Variants in CNOT4 observed in about 807,000 individuals in gnomAD.
CNOT4 encodes CCR4-NOT transcription complex subunit 4.
A neutral mutation model predicts 73.8 loss-of-function variants in CNOT4; 8 were observed. The ratio of observed to expected loss-of-function variants is 0.11; its 90% CI spans 0.06 to 0.20. The LOEUF (loss-of-function observed/expected upper bound fraction) is 0.20, where lower values mean the gene tolerates loss of function less well. CNOT4 is among the 10% of genes least tolerant of loss of function. The pLI, the probability that CNOT4 is intolerant of heterozygous loss-of-function variation, is 1.00. For missense variants in CNOT4, 564 were observed against 883.4 expected, an observed-to-expected ratio of 0.64 and a Z score of 4.58; for synonymous variants, 293 against 321.1, an observed-to-expected ratio of 0.91 and a Z score of 0.94.
intron 1 of CNOT4, among the ~76,000 whole-genome samples, chr7:135,493,389 GA>G (rs113454624): frequency 2.6e-5 from 4 of 152,154 alleles, no homozygotes; most frequent in African/African-American, 9.6e-5. Context: ...GACATTATCA[GA>G]AAAAAATGAA....
intron 1 of CNOT4, among the ~76,000 whole-genome samples, chr7:135,450,422 G>A (rs1251608693): frequency 2.0e-5 from 3 of 152,066 alleles, no homozygotes; most frequent in Admixed American, 6.5e-5. Flanking sequence ...GGGTTCAAGC[G>A]ATTCTCCTTC....
intron 10 of CNOT4, chr7:135,388,152 TATCTTTTAACC>T (rs1796216265): frequency 1.0e-6 from 1 of 985,164 alleles, no homozygotes; most frequent in African/African-American, 1.7e-5. Context: ...CTACAATAAT[TATCTTTTAACC>T]ATCTATGCAT....
At chr7:135,491,665 T>C (rs1008276333) in intron 1 of CNOT4, among the ~76,000 whole-genome samples, 1 of 152,196 alleles carries the variant, frequency 6.6e-6, no homozygotes, top group Admixed American at 6.5e-5. Flanking sequence ...TAGACAATGC[T>C]TTAAGGGGTT....
intron 1 of CNOT4, among the ~76,000 whole-genome samples, chr7:135,471,592 C>T (rs954925497): frequency 6.6e-6 from 1 of 152,090 alleles, no homozygotes; most frequent in Admixed American, 6.5e-5. Flanking sequence ...GAATAGCAGC[C>T]TTGAAAGTAA....
intron 1 of CNOT4, among the ~76,000 whole-genome samples, chr7:135,487,815 A>G (rs1020237337): frequency 3.3e-5 from 5 of 152,196 alleles, no homozygotes; most frequent in Admixed American, 6.5e-5. Flanking sequence ...GCACTTTGGG[A>G]GGCCAAGGCA....
In CNOT4 at chr7:135,503,051, A is replaced by G. The variant is rs112308085; in HGVS notation, c.-93+6838T>C. ...GCCTGTAGTTCTAGCTACTTGGGAGACTGAGGCAGGAGAACCGCTTGAACC... is the reference window on the plus strand; with the variant it reads ...GCCTGTAGTTCTAGCTACTTGGGAGGCTGAGGCAGGAGAACCGCTTGAACC... On this transcript the variant is annotated intron_variant, in intron 1 of 11. Transcript: ENST00000541284. Among the ~76,000 whole-genome samples the G allele has an allele frequency of 2.6e-5, 4 of 151,414 alleles. 1 individual carries two copies. The highest frequency in any genetic ancestry group is 9.7e-5 in the African/African-American group (4 of 41,242).
At chr7:135,472,319 T>C (rs1486370070) in intron 1 of CNOT4, among the ~76,000 whole-genome samples, 5 of 142,646 alleles carry the variant, frequency 3.5e-5, no homozygotes, top group Non-Finnish European at 1.5e-5. Context: ...CTACTAAAAA[T>C]ACAAAAAATT....
chr7:135,490,932 T>C (rs1188553031), intron 1 of CNOT4, among the ~76,000 whole-genome samples: 2 of 152,226 alleles, frequency 1.3e-5, no homozygotes, highest in Admixed American at 1.3e-4. Flanking sequence ...TGAAAACTGG[T>C]TGAATTCTGG....
chr7:135,388,709 A>G lies in CNOT4; in HGVS notation c.1627+5209T>C, dbSNP rs1796246898. ...TGGCTCTTCTGGGTGTATACATTAA[A>G]AGCAAAATCATAAAGGAATCATGCA... On this transcript the variant is annotated intron_variant, in intron 10 of 11. Coordinates refer to ENST00000541284, the MANE Select transcript of CNOT4 (RefSeq NM_001190850.2). 6 of 1,519,366 alleles carry G rather than the reference A, an allele frequency of 3.9e-6. No individual in the cohort carries two copies. In the South Asian group the frequency reaches 6.6e-5, roughly 17 times the overall value. 94.1% of individuals were successfully genotyped at this position (1,519,366 alleles called of 1,614,324 possible). A position where few individuals can be genotyped will look rare whatever the true frequency, so the allele number is the denominator to read the frequency against.
intron 10 of CNOT4, among the ~76,000 whole-genome samples, chr7:135,372,457 C>T (rs1359660711): frequency 6.6e-6 from 1 of 151,952 alleles, no homozygotes; most frequent in African/African-American, 2.4e-5. Context: ...AAAAGGACCT[C>T]GATTTAATCA....
At chr7:135,487,265 G>A (rs1802783945) in intron 1 of CNOT4, among the ~76,000 whole-genome samples, 1 of 150,900 alleles carries the variant, frequency 6.6e-6, no homozygotes, top group African/African-American at 2.4e-5. Flanking sequence ...TTGGAGACAG[G>A]GTCTCCCTCT....
At chr7:135,484,080 A>C (rs1802562532) in intron 1 of CNOT4, among the ~76,000 whole-genome samples, 3 of 152,080 alleles carry the variant, frequency 2.0e-5, no homozygotes, top group Admixed American at 1.3e-4. Context: ...CTATAGTACC[A>C]GTTACTCAAG....
At chr7:135,509,103 T>A (rs1192200451) in intron 1 of CNOT4, 1 of 152,210 alleles carries the variant, frequency 6.6e-6, no homozygotes, top group African/African-American at 2.4e-5. Flanking sequence ...TTCCTTTTAC[T>A]TTTCAAGGGC....
At chr7:135,366,580 C>CAAA (rs1288969235) in intron 10 of CNOT4, among the ~76,000 whole-genome samples, 1 of 152,162 alleles carries the variant, frequency 6.6e-6, no homozygotes, top group Non-Finnish European at 1.5e-5. Flanking sequence ...AATAAATTAG[C>CAAA]TAGTTTATAA....
At chr7:135,402,931 C>T (rs764119514) in intron 7 of CNOT4, among the ~76,000 whole-genome samples, 8 of 152,174 alleles carry the variant, frequency 5.3e-5, no homozygotes, top group Non-Finnish European at 8.8e-5. Context: ...AAAAAATTTG[C>T]AACATAAACC....
intron 10 of CNOT4, among the ~76,000 whole-genome samples, chr7:135,393,088 T>A (rs540906563): frequency 3.3e-5 from 5 of 152,296 alleles, no homozygotes; most frequent in Non-Finnish European, 7.4e-5. Flanking sequence ...ACAAACTTTT[T>A]TTAACATCAT....
chr7:135,458,287 T>A (rs1800667802), intron 1 of CNOT4, among the ~76,000 whole-genome samples: 1 of 152,132 alleles, frequency 6.6e-6, no homozygotes, highest in African/African-American at 2.4e-5. Context: ...CACCTTAATT[T>A]AAAAATACTT....
chr7:135,455,984 A>G (rs1800505496), intron 1 of CNOT4, among the ~76,000 whole-genome samples: 1 of 152,264 alleles, frequency 6.6e-6, no homozygotes, highest in South Asian at 2.1e-4. Flanking sequence ...CATCTTAGAA[A>G]GTAAAACCCC....
rs547691111 is a variant in CNOT4, at chr7:135,378,595, T to C, written c.1628-14529A>G. On this transcript the variant is annotated intron_variant, in intron 10 of 11. Coordinates refer to ENST00000541284, the MANE Select transcript of CNOT4 (RefSeq NM_001190850.2). The stretch of plus-strand genomic sequence containing the variant: ...TAAGCTGACAGGTGAGTAAGAGTAG[T>C]TATTGGGCAGATAGAGGGTCTGCTG... 4.7e-4 allele frequency among the ~76,000 whole-genome samples: 71 copies of C among 151,414 alleles called. No individual in the cohort carries two copies. In the South Asian group the frequency reaches 0.014, roughly 31 times the overall value.
Sources: gnomAD v4.1 joint callset for allele counts (sites outside exome capture counted in the v4.1 genomes callset) on GRCh38, gnomAD v4.1.1 for gene constraint, MANE v1.5 for transcripts, NCBI Gene and HGNC (gene_info 2026-07-23, HGNC 2026-07-21) for gene names.